Variants in NPAS2 observed in about 807,000 individuals in gnomAD.
NPAS2 encodes neuronal PAS domain-containing protein 2.
Under a neutral mutation model 107.5 loss-of-function variants are expected in NPAS2, and 23 were observed. That is an observed-to-expected ratio of 0.21 (90% confidence interval 0.15 to 0.30). NPAS2 has a LOEUF of 0.30. Among genes scored for constraint, NPAS2 ranks in the 10% least tolerant of loss-of-function variants. The pLI is 1.00. For missense variants in NPAS2, 756 were observed against 1,043.3 expected, an observed-to-expected ratio of 0.72 and a Z score of 3.79; for synonymous variants, 403 against 417.5, an observed-to-expected ratio of 0.97 and a Z score of 0.42.
At chr2:100,821,197 A>C in intron 1 of NPAS2, 1 of 1,302,814 alleles carries the variant, frequency 7.7e-7, no homozygotes, top group Non-Finnish European at 1.0e-6. Context: ...TTAATTGCTC[A>C]AGGTAAGAAA....
At chr2:100,835,217 G>A (rs541463439) in intron 1 of NPAS2, among the ~76,000 whole-genome samples, 80 of 152,340 alleles carry the variant, frequency 5.3e-4, no homozygotes, top group African/African-American at 1.9e-3. Flanking sequence ...TAAGTTAAAT[G>A]ACTGGCATGA....
intron 2 of NPAS2, among the ~76,000 whole-genome samples, chr2:100,921,576 G>A (rs138595989): frequency 3.4e-4 from 51 of 152,196 alleles, no homozygotes; most frequent in African/African-American, 1.2e-3. Context: ...TCAATAAGAT[G>A]ATGACAAACA....
At chr2:100,831,539 C>G (rs972279533) in intron 1 of NPAS2, among the ~76,000 whole-genome samples, 2 of 152,092 alleles carry the variant, frequency 1.3e-5, no homozygotes, top group African/African-American at 4.8e-5. Context: ...TGCTCTGCAG[C>G]TCTGTCATCT....
At chr2:100,951,904 CT>C (rs1675244652) in intron 7 of NPAS2, among the ~76,000 whole-genome samples, 1 of 152,148 alleles carries the variant, frequency 6.6e-6, no homozygotes, top group Admixed American at 6.5e-5. Context: ...AATCCCAGCA[CT>C]TTGGGAGGCC....
chr2:100,978,154 TC>T (rs755944586), intron 15 of NPAS2, among the ~76,000 whole-genome samples: 1 of 152,000 alleles, frequency 6.6e-6, no homozygotes, highest in South Asian at 2.1e-4. Context: ...ATGCCTCACA[TC>T]CCCCCACCCT....
intron 2 of NPAS2, among the ~76,000 whole-genome samples, chr2:100,907,492 A>ACACT (rs1479245291): frequency 7.2e-6 from 1 of 139,470 alleles, no homozygotes; most frequent in Non-Finnish European, 1.6e-5. Flanking sequence ...ACTTGGGAAC[A>ACACT]CACACACACA....
intron 1 of NPAS2, among the ~76,000 whole-genome samples, chr2:100,842,081 G>GCGCACGCACACACACACACACACA: frequency 1.3e-5 from 2 of 148,798 alleles, no homozygotes; most frequent in African/African-American, 2.5e-5. Flanking sequence ...GCATGTACGC[G>GCGCACGCACACACACACACACACA]CACACACACA....
intron 3 of NPAS2, among the ~76,000 whole-genome samples, chr2:100,930,602 C>T (rs12466423): frequency 0.032 from 4,702 of 149,210 alleles, 120 homozygotes; most frequent in East Asian, 0.077. Context: ...TTCCTCGATT[C>T]GAGACATCGT....
At chr2:100,867,079 C>G (rs1679300425) in intron 1 of NPAS2, among the ~76,000 whole-genome samples, 1 of 152,214 alleles carries the variant, frequency 6.6e-6, no homozygotes, top group Non-Finnish European at 1.5e-5. Context: ...GTTAGGAGGA[C>G]TGAAACATAG....
At chr2:100,933,921 ATCTT>A (rs532560347) in intron 4 of NPAS2, among the ~76,000 whole-genome samples, 47 of 152,330 alleles carry the variant, frequency 3.1e-4, no homozygotes, top group South Asian at 6.2e-4. Flanking sequence ...CTGGGGATAA[ATCTT>A]TCTATCTCAT....
chr2:100,994,772 A>AT (rs1678347425), intron 20 of NPAS2: 2 of 152,392 alleles, frequency 1.3e-5, no homozygotes, highest in African/African-American at 4.8e-5. Context: ...CCAGCCAGAC[A>AT]GCCTGAGCAA....
intron 1 of NPAS2, among the ~76,000 whole-genome samples, chr2:100,900,791 G>A (rs1343393148): frequency 3.9e-5 from 6 of 152,160 alleles, no homozygotes; most frequent in East Asian, 3.9e-4. Flanking sequence ...AGCATCCATC[G>A]GTGGATCTTG....
Position 100,968,482 on chromosome 2 carries a change from G to T in NPAS2, c.1055+54G>T. 6.3e-7 allele frequency: 1 copy of T among 1,580,074 alleles called. No individual in the cohort carries two copies. The highest frequency in any genetic ancestry group is 1.1e-5 in the South Asian group (1 of 88,948). On this transcript the variant is annotated intron_variant, in intron 11 of 20. Transcript: ENST00000335681. This position sits in a 1 kb window ranked among gnomAD's most constrained non-coding sequence, Gnocchi z 5.3. ...CGTCCTTGTCGCACCTGGGGGAGGGGTGCAGGATGGCGTGGCCCCTGATGG... is the reference window on the plus strand; with the variant it reads ...CGTCCTTGTCGCACCTGGGGGAGGGTTGCAGGATGGCGTGGCCCCTGATGG...
At chr2:100,986,706 C>T (rs890816042) in intron 16 of NPAS2, 1 of 152,122 alleles carries the variant, frequency 6.6e-6, no homozygotes, top group African/African-American at 2.4e-5. Flanking sequence ...TGACAGATTC[C>T]GTTTTATTTA....
At chr2:100,934,098 A>C (rs559172568) in intron 4 of NPAS2, 1 of 152,382 alleles carries the variant, frequency 6.6e-6, no homozygotes, top group Non-Finnish European at 1.5e-5. Context: ...AGATACTTAA[A>C]TCTACATGTG....
intron 4 of NPAS2, chr2:100,935,004 C>T: frequency 2.0e-6 from 2 of 985,418 alleles, no homozygotes; most frequent in Non-Finnish European, 2.4e-6. Context: ...CTCCCGTCTT[C>T]TTCCCTCTTC....
rs1056050199 is a variant in NPAS2 at position 100,820,494 on chromosome 2, C to G, written c.-23+80C>G. The G allele has an allele frequency of 6.6e-6, 1 of 151,998 alleles. No individual in the cohort carries two copies. The highest frequency in any genetic ancestry group is 1.5e-5 in the Non-Finnish European group (1 of 68,094). 9.4% of individuals were successfully genotyped at this position (151,998 alleles called of 1,614,324 possible). ...CGGGGTCGCAGGACTCGGTCACCTG[C>G]TCGCCAGCGTGGAGGACGCGCGGGG... On this transcript the variant is annotated intron_variant, in intron 1 of 20. Coordinates refer to ENST00000335681, the MANE Select transcript of NPAS2 (RefSeq NM_002518.4). This position sits in a 1 kb window ranked among gnomAD's most constrained non-coding sequence, Gnocchi z 5.6.
intron 1 of NPAS2, among the ~76,000 whole-genome samples, chr2:100,880,170 A>G (rs1680242109): frequency 6.6e-6 from 1 of 152,260 alleles, no homozygotes; most frequent in Non-Finnish European, 1.5e-5. Flanking sequence ...CATGGCTGGT[A>G]GGAATGTAAA....
intron 7 of NPAS2, among the ~76,000 whole-genome samples, chr2:100,963,584 T>G (rs1436398928): frequency 6.6e-6 from 1 of 152,118 alleles, no homozygotes; most frequent in Non-Finnish European, 1.5e-5. Flanking sequence ...TTTGTTTGTT[T>G]GTTTGTTTTT....
Sources: gnomAD v4.1 joint callset for allele counts (sites outside exome capture counted in the v4.1 genomes callset) on GRCh38, gnomAD v4.1.1 for gene constraint, Gnocchi (gnomAD v3.1) non-coding constraint, MANE v1.5 for transcripts, NCBI Gene and HGNC (gene_info 2026-07-23, HGNC 2026-07-21) for gene names.